TIAM1: variants seen among roughly 807,000 people sequenced by gnomAD.
TIAM1 encodes the protein rho guanine nucleotide exchange factor TIAM1.
TIAM1 carries 65 observed loss-of-function variants against 163.5 expected under a neutral mutation model. The observed-to-expected ratio is 0.40, with a 90% CI of 0.33 to 0.49. The LOEUF is 0.49. Among genes scored for constraint, TIAM1 ranks in the 20% least tolerant of loss-of-function variants. The probability of loss-of-function intolerance (pLI) is 0.77; values close to 1 mark genes in which losing one functional copy is unlikely to be tolerated. For missense variants in TIAM1, 1,789 were observed against 2,044.7 expected (o/e 0.87, Z 2.41); for synonymous variants, 833 against 810.1 (o/e 1.03, Z -0.48).
intron 2 of TIAM1, among the ~76,000 whole-genome samples, chr21:31,294,413 T>C (rs1334728966): frequency 6.6e-6 from 1 of 152,218 alleles, no homozygotes; most frequent in African/African-American, 2.4e-5. Context: ...CTAACTCTGC[T>C]TCTCCACCAC....
chr21:31,467,831 C>G (rs553472082), intron 1 of TIAM1, among the ~76,000 whole-genome samples: 1 of 151,888 alleles, frequency 6.6e-6, no homozygotes, highest in South Asian at 2.1e-4. Flanking sequence ...TGCCTGTAAT[C>G]CTAGCACTTT....
At chr21:31,313,817 T>C (rs2075015415) in intron 2 of TIAM1, among the ~76,000 whole-genome samples, 1 of 152,188 alleles carries the variant, frequency 6.6e-6, no homozygotes, top group African/African-American at 2.4e-5. Flanking sequence ...CCTCAAGTAA[T>C]CTGTCCGCCT....
chr21:31,423,697 T>C (rs1602243034), intron 2 of TIAM1, among the ~76,000 whole-genome samples: 1 of 72,402 alleles, frequency 1.4e-5, no homozygotes, highest in African/African-American at 6.2e-5. Flanking sequence ...TCCTAGAAAG[T>C]TGTAAAAAAA....
intron 1 of TIAM1, among the ~76,000 whole-genome samples, chr21:31,509,293 A>G (rs2047133916): frequency 6.6e-6 from 1 of 152,134 alleles, no homozygotes; most frequent in African/African-American, 2.4e-5. Flanking sequence ...TGGATCAGGC[A>G]TGGCATGGGG....
At chr21:31,435,156 G>C (rs2045932910) in intron 2 of TIAM1, among the ~76,000 whole-genome samples, 3 of 152,152 alleles carry the variant, frequency 2.0e-5, no homozygotes, top group Admixed American at 2.0e-4. Flanking sequence ...GAACCTGTTT[G>C]TAAAAGAACA....
chr21:31,150,318 C>T (rs2083318671), intron 19 of TIAM1, among the ~76,000 whole-genome samples: 1 of 152,026 alleles, frequency 6.6e-6, no homozygotes, highest in Non-Finnish European at 1.5e-5. Flanking sequence ...GGTAGAATAT[C>T]GAGGTGAGGC....
intron 1 of TIAM1, among the ~76,000 whole-genome samples, chr21:31,488,620 A>G (rs564394980): frequency 4.6e-4 from 70 of 152,352 alleles, no homozygotes; most frequent in Non-Finnish European, 9.1e-4. Flanking sequence ...CATGTCTTAC[A>G]TGGTGACGGG....
chr21:31,517,135 A>G (rs2047412363), intron 1 of TIAM1, among the ~76,000 whole-genome samples: 1 of 152,070 alleles, frequency 6.6e-6, no homozygotes, highest in South Asian at 2.1e-4. Flanking sequence ...GCACTATGTC[A>G]GGGTCTTCAA....
At chr21:31,431,634 T>C (rs914182584) in intron 2 of TIAM1, among the ~76,000 whole-genome samples, 3 of 152,216 alleles carry the variant, frequency 2.0e-5, no homozygotes, top group African/African-American at 4.8e-5. Context: ...AACAGATACA[T>C]GTTCTGAGAA....
At chr21:31,416,409 G>A (rs1023171870) in intron 2 of TIAM1, among the ~76,000 whole-genome samples, 3 of 152,030 alleles carry the variant, frequency 2.0e-5, no homozygotes, top group African/African-American at 4.8e-5. Flanking sequence ...TGAGATTTTG[G>A]TGCAGCCATC....
At chr21:31,477,133 T>C (rs1465332524) in intron 1 of TIAM1, among the ~76,000 whole-genome samples, 1 of 152,162 alleles carries the variant, frequency 6.6e-6, no homozygotes, top group Non-Finnish European at 1.5e-5. Context: ...CTGGGGGAAA[T>C]TGCCCTTTTG....
At chr21:31,143,452 T>TA (rs1555863324) in intron 20 of TIAM1, among the ~76,000 whole-genome samples, 4,476 of 149,278 alleles carry the variant, frequency 0.03, 216 homozygotes, top group African/African-American at 0.1. Context: ...TATATAATTT[T>TA]TATATATATA....
At chr21:31,272,813 A>G (rs548662647) in intron 3 of TIAM1, among the ~76,000 whole-genome samples, 1 of 152,236 alleles carries the variant, frequency 6.6e-6, no homozygotes, top group South Asian at 2.1e-4. Context: ...ATTAGGCAAC[A>G]ACAACAACAA....
chr21:31,181,359 T>C (rs1484956675), intron 15 of TIAM1, among the ~76,000 whole-genome samples: 1 of 152,146 alleles, frequency 6.6e-6, no homozygotes, highest in Non-Finnish European at 1.5e-5. Context: ...AGGGCCCATA[T>C]GGAAGTCAAA....
At chr21:31,413,264 C>CTTTTTTTTTTTTTTTTTTTT (rs397866519) in intron 2 of TIAM1, among the ~76,000 whole-genome samples, 7 of 87,874 alleles carry the variant, frequency 8.0e-5, no homozygotes, top group East Asian at 3.7e-4. Flanking sequence ...CTTTTCTTTT[C>CTTTTTTTTTTTTTTTTTTTT]TTTTTTTTTT....
At chr21:31,360,570 T>C (rs1458785873) in intron 2 of TIAM1, among the ~76,000 whole-genome samples, 1 of 152,168 alleles carries the variant, frequency 6.6e-6, no homozygotes, top group Admixed American at 6.5e-5. Context: ...AAAAACTTAG[T>C]TGTTTACTTA....
At chr21:31,154,190 C>G in intron 17 of TIAM1, 57 bp downstream of exon 17, 1 of 1,565,452 alleles carries the variant, frequency 6.4e-7, no homozygotes, top group South Asian at 1.2e-5. Context: ...AGCAGACACA[C>G]CAACTTCACT....
chr21:31,534,758 G>A (rs1602510165), intron 1 of TIAM1, among the ~76,000 whole-genome samples: 1 of 152,174 alleles, frequency 6.6e-6, no homozygotes, highest in African/African-American at 2.4e-5. Flanking sequence ...AATCTTGACT[G>A]CCCCCAAAAT....
chr21:31,248,404 C>T (rs1042705610), intron 5 of TIAM1, among the ~76,000 whole-genome samples: 11 of 152,196 alleles, frequency 7.2e-5, no homozygotes, highest in Non-Finnish European at 1.3e-4. Flanking sequence ...TCATGATCAA[C>T]TCGTTCCAAC....
Sources: gnomAD v4.1 joint callset for allele counts (sites outside exome capture counted in the v4.1 genomes callset) on GRCh38, gnomAD v4.1.1 for gene constraint, MANE v1.5 for transcripts, NCBI Gene and HGNC (gene_info 2026-07-23, HGNC 2026-07-21) for gene names.